The following MORC4 variants were observed in gnomAD, a reference collection of about 807,000 sequenced individuals.
MORC4 encodes MORC family CW-type zinc finger 4, also known as MORC family CW-type zinc finger protein 4.
A neutral mutation model predicts 65.5 loss-of-function variants in MORC4; 22 were observed. The ratio of observed to expected loss-of-function variants is 0.34; its 90% CI spans 0.24 to 0.48. The LOEUF is 0.48. Among genes scored for constraint, MORC4 ranks in the 20% least tolerant of loss-of-function variants. MORC4 has a pLI of 0.99. For synonymous variants in MORC4, 267 were observed against 255.8 expected, an observed-to-expected ratio of 1.04 and a Z score of -0.42; for missense variants, 624 against 703.0, an observed-to-expected ratio of 0.89 and a Z score of 1.27.
chrX:106,947,594 A>ATATATATAT (rs1933879272), intron 14 of MORC4, among the ~76,000 whole-genome samples: 1 of 89,371 alleles, frequency 1.1e-5, no homozygotes, highest in Non-Finnish European at 2.1e-5. Flanking sequence ...TATATATAAT[A>ATATATATAT]TATATATATA....
At chrX:106,948,506 T>G (rs1933902341) in intron 14 of MORC4, among the ~76,000 whole-genome samples, 1 of 112,087 alleles carries the variant, frequency 8.9e-6, no homozygotes, top group Admixed American at 9.5e-5. Context: ...TTTAATTAAC[T>G]ACACAGTTAC....
chrX:106,957,020 T>A lies in MORC4; in HGVS notation c.1386-16A>T. 3 of 1,132,950 alleles carry A rather than the reference T, an allele frequency of 2.6e-6. No homozygotes were observed. Among genetic ancestry groups the A allele is most frequent in the Non-Finnish European group, 3.6e-6 (3 of 832,710 alleles). 93.4% of individuals were successfully genotyped at this position (1,132,950 alleles called of 1,213,427 possible). A position where few individuals can be genotyped will look rare whatever the true frequency, so the allele number is the denominator to read the frequency against. The stretch of plus-strand genomic sequence containing the variant: ...AGAGCATCTCCTGCAGTACAGAGAA[T>A]AAATCATCCTTTGGAAAAAAACTGG... On this transcript the variant is annotated splice_polypyrimidine_tract_variant and intron_variant, in intron 11 of 16. Transcript: ENST00000355610.
intron 9 of MORC4, among the ~76,000 whole-genome samples, chrX:106,972,859 A>T (rs1934551632): frequency 8.9e-6 from 1 of 112,234 alleles, no homozygotes. Flanking sequence ...AATCGCTTGA[A>T]CCCCAGATGG....
chrX:106,985,487 G>A (rs1365181095), intron 4 of MORC4, among the ~76,000 whole-genome samples: 2 of 111,800 alleles, frequency 1.8e-5, no homozygotes, highest in Non-Finnish European at 1.9e-5. Flanking sequence ...AAAGATCAAA[G>A]GCTTAATTTT....
chrX:106,990,910 C>T (rs1934968947), intron 3 of MORC4, among the ~76,000 whole-genome samples: 1 of 110,969 alleles, frequency 9.0e-6, no homozygotes, highest in South Asian at 3.9e-4. Flanking sequence ...AAGGTATCTT[C>T]TAGCTGATTC....
At chrX:106,995,481 T>A in intron 2 of MORC4, among the ~76,000 whole-genome samples, 1 of 112,258 alleles carries the variant, frequency 8.9e-6, no homozygotes, top group Middle Eastern at 4.7e-3. Flanking sequence ...ACATAGAAGT[T>A]AGAACATTCC....
intron 9 of MORC4, among the ~76,000 whole-genome samples, chrX:106,973,171 G>A (rs1280350906): frequency 1.8e-5 from 2 of 112,180 alleles, no homozygotes; most frequent in Non-Finnish European, 3.8e-5. Context: ...GAATGTGCCT[G>A]GCTAGATTTT....
intron 9 of MORC4, among the ~76,000 whole-genome samples, chrX:106,969,620 C>T (rs1934458434): frequency 9.0e-6 from 1 of 111,695 alleles, no homozygotes; most frequent in African/African-American, 3.3e-5. Flanking sequence ...ATCAAATAGA[C>T]ACAATAAAAA....
chrX:106,984,728 G>T (rs1231673064), intron 5 of MORC4, among the ~76,000 whole-genome samples: 1 of 109,024 alleles, frequency 9.2e-6, no homozygotes, highest in Non-Finnish European at 1.9e-5. Flanking sequence ...GCCCACCTCG[G>T]CCTCCCAAAG....
intron 14 of MORC4, among the ~76,000 whole-genome samples, chrX:106,943,608 T>C (rs146362982): frequency 0.019 from 2,116 of 112,325 alleles, 52 homozygotes; most frequent in African/African-American, 0.064. Context: ...TAGAAGAGTA[T>C]GCAGAGAACA....
At position 106,985,995 on chromosome X, in the gene MORC4, T is replaced by C; in HGVS notation, c.514A>G (p.Asn172Asp). ...CCAGAAAGGATATTGTTTTGCTGGT[T>C]GAATGGAACAATTGGTACAATAACT... ...QAVIVPIVPF[N>D]QQNKKMIITE... is the part of the protein sequence containing the mutation. Residue 172 changes from asparagine to aspartate, a missense_variant, in exon 4 of 17, where the codon AAC (asparagine) becomes GAC (aspartate). Physicochemically the swap from Asn to Asp is conservative, Grantham distance 23 (BLOSUM62 1). Transcript: ENST00000355610. 8.3e-7 allele frequency: 1 copy of C among 1,206,727 alleles called. No individual in the cohort carries two copies. Among genetic ancestry groups the C allele is most frequent in the Non-Finnish European group, 1.1e-6 (1 of 891,691 alleles).
At chrX:106,977,966 T>C (rs1387638721) in intron 8 of MORC4, 114 bp downstream of exon 8, 6 of 766,225 alleles carry the variant, frequency 7.8e-6, no homozygotes, top group Non-Finnish European at 1.2e-5. Context: ...CAGAATTCAA[T>C]AAGCATCATA....
In MORC4 at chrX:106,999,659, C is replaced by A. The variant is rs1373447290; in HGVS notation, c.175+18G>T. On this transcript the variant is annotated intron_variant, in intron 2 of 16. Transcript: ENST00000355610. Reference sequence around the variant, plus strand: ...ACTGCCTCGGGCGAACACGGCCGGGCCCGCCCTCGCCACTCACCTAGCAGC... The same window carrying A: ...ACTGCCTCGGGCGAACACGGCCGGGACCGCCCTCGCCACTCACCTAGCAGC... 4 of 1,125,125 alleles carry A rather than the reference C, an allele frequency of 3.6e-6. No homozygotes were observed. The highest frequency in any genetic ancestry group is 4.7e-6 in the Non-Finnish European group (4 of 852,591). 92.7% of individuals were successfully genotyped at this position (1,125,125 alleles called of 1,213,427 possible). A position where few individuals can be genotyped will look rare whatever the true frequency, so the allele number is the denominator to read the frequency against.
chrX:106,979,525 G>A (rs917725395), intron 7 of MORC4, among the ~76,000 whole-genome samples: 3 of 111,151 alleles, frequency 2.7e-5, no homozygotes, highest in African/African-American at 9.8e-5. Flanking sequence ...AGTGGCCTTT[G>A]ATAATTGAGA....
chrX:106,969,371 C>T (rs750290475), intron 9 of MORC4, among the ~76,000 whole-genome samples: 1 of 111,877 alleles, frequency 8.9e-6, no homozygotes, highest in Non-Finnish European at 1.9e-5. Context: ...CAAGAGAAAA[C>T]AGGAGAGATC....
rs768719099 is a variant in MORC4, at chrX:106,950,808, C to G, written c.1685+4105G>C. 5.4e-5 allele frequency among the ~76,000 whole-genome samples: 6 copies of G among 111,654 alleles called. No individual in the cohort carries two copies. The South Asian group carries it at 2.3e-3, about 42-fold the overall frequency. ...GACAATGAGCTAGGGGATGAGGGAG[C>G]CCCCATCTTCTAGACCACACCCACA... is the stretch of plus-strand genomic sequence containing the variant. On this transcript the variant is annotated intron_variant, in intron 14 of 16. Coordinates refer to ENST00000355610, the MANE Select transcript of MORC4 (RefSeq NM_024657.5).
At chrX:106,966,943 G>A (rs1934389014) in intron 9 of MORC4, among the ~76,000 whole-genome samples, 1 of 112,372 alleles carries the variant, frequency 8.9e-6, no homozygotes, top group Non-Finnish European at 1.9e-5. Flanking sequence ...CAGCTCTGAA[G>A]ACAGAAGTGG....
Position 106,956,938 on chromosome X carries a change from T to C in MORC4, c.1452A>G (p.Lys484=). ...DEDLCLSKAK[K]QEQTVEEKKK... ...ACCCCATCTCATGTATACTCAACTG[T>C]TTCTTAGCTTTGCTCAAGCACAGGT... is the stretch of plus-strand genomic sequence containing the variant. Residue 484 remains lysine, a splice_region_variant and synonymous_variant, in exon 12 of 17, where the codon AAA becomes AAG. Transcript: ENST00000355610. The C allele has an allele frequency of 8.4e-7, 1 of 1,191,337 alleles. No individual in the cohort carries two copies. The highest frequency in any genetic ancestry group is 3.0e-5 in the East Asian group (1 of 33,643).
intron 9 of MORC4, 77 bp from the exon 10 acceptor site, chrX:106,962,187 T>A: frequency 1.4e-6 from 1 of 703,223 alleles, no homozygotes; most frequent in Non-Finnish European, 2.2e-6. Context: ...AGTTCCCATT[T>A]AACAGACACC....
Sources: allele counts gnomAD v4.1 joint callset (sites outside exome capture counted in the v4.1 genomes callset), GRCh38; gene constraint gnomAD v4.1.1; transcripts MANE v1.5; gene names NCBI Gene and HGNC (gene_info 2026-07-23, HGNC 2026-07-21).